PDZD2: variants seen among roughly 807,000 people sequenced by gnomAD.
PDZD2 encodes the protein PDZ domain containing 2.
PDZD2 carries 90 observed loss-of-function variants against 220.7 expected under a neutral mutation model. The observed-to-expected ratio is 0.41, with a 90% CI of 0.34 to 0.49. The LOEUF is 0.49. Ranked by LOEUF, PDZD2 falls within the 20% of genes least tolerant of loss-of-function variation. PDZD2 has a pLI of 0.28. For synonymous variants in PDZD2, 1,375 were observed against 1,450.5 expected (o/e 0.95, Z 1.18); for missense variants, 3,174 against 3,608.5 (o/e 0.88, Z 3.08).
chr5:31,768,019 A>C (rs375162885), intron 1 of PDZD2, among the ~76,000 whole-genome samples: 14 of 152,328 alleles, frequency 9.2e-5, no homozygotes, highest in East Asian at 5.8e-4. Flanking sequence ...CTGTGAGGTC[A>C]GCTCTTCCTT....
At position 31,849,978 on chromosome 5, in the gene PDZD2, A is replaced by T. The variant is rs1209413927; in HGVS notation, c.476+50254A>T. ...TATATATATACACATATATATATAT[A>T]CATATATATATATACACATATATAT... On this transcript the variant is annotated intron_variant, in intron 2 of 24. Transcript: ENST00000438447. Among the ~76,000 whole-genome samples, 27 of 36,992 alleles carry T rather than the reference A, an allele frequency of 7.3e-4. 6 individuals are homozygous for T. The highest frequency in any genetic ancestry group is 5.5e-3 in the African/African-American group (25 of 4,506). The allele number at this position is 36,992 out of a possible 152,430, so 24.3% of individuals were successfully genotyped here. A position where few individuals can be genotyped will look rare whatever the true frequency, so the allele number is the denominator to read the frequency against.
At chr5:32,105,210 A>G (rs1744651994) in intron 24 of PDZD2, among the ~76,000 whole-genome samples, 1 of 152,208 alleles carries the variant, frequency 6.6e-6, no homozygotes, top group Non-Finnish European at 1.5e-5. Flanking sequence ...GAAAAATACA[A>G]GAGAGAAAGT....
intron 2 of PDZD2, among the ~76,000 whole-genome samples, chr5:31,807,430 C>G (rs1387262164): frequency 6.6e-6 from 1 of 152,180 alleles, no homozygotes; most frequent in South Asian, 2.1e-4. Context: ...GTACTGAATA[C>G]AGCATCTGGC....
chr5:31,718,777 T>G (rs1421965928), intron 1 of PDZD2, among the ~76,000 whole-genome samples: 1 of 146,960 alleles, frequency 6.8e-6, no homozygotes. Context: ...CTCGGCTCAC[T>G]GCAACCTCCA....
chr5:31,822,767 A>G, intron 2 of PDZD2: 1 of 1,037,514 alleles, frequency 9.6e-7, no homozygotes, highest in Non-Finnish European at 1.4e-6. Context: ...CAAATCCTGC[A>G]GATGTATTTT....
intron 2 of PDZD2, among the ~76,000 whole-genome samples, chr5:31,868,512 G>T (rs548412587): frequency 6.6e-6 from 1 of 152,148 alleles, no homozygotes; most frequent in Non-Finnish European, 1.5e-5. Context: ...TACCTGTCTT[G>T]CTTTTCTCAA....
intron 2 of PDZD2, chr5:31,822,912 A>G (rs1755972640): frequency 1.1e-6 from 1 of 900,276 alleles, no homozygotes; most frequent in East Asian, 3.7e-5. Context: ...TCTGTGCATA[A>G]CTACAAATAG....
intron 1 of PDZD2, among the ~76,000 whole-genome samples, chr5:31,773,724 T>G (rs1443735670): frequency 2.0e-5 from 3 of 152,094 alleles, no homozygotes; most frequent in Non-Finnish European, 2.9e-5. Flanking sequence ...GACAGTCTAG[T>G]GGAAAAAAAG....
intron 20 of PDZD2, 31 bp from the exon 21 acceptor site, chr5:32,092,876 A>T (rs1393261807): frequency 2.7e-6 from 3 of 1,107,702 alleles, no homozygotes; most frequent in Admixed American, 2.1e-5. Context: ...TTTTTTCTTT[A>T]ATGTTCTTCA....
At chr5:31,682,668 C>T (rs1054128128) in intron 1 of PDZD2, among the ~76,000 whole-genome samples, 1 of 138,380 alleles carries the variant, frequency 7.2e-6, no homozygotes, top group Admixed American at 7.7e-5. Flanking sequence ...CTCAGTCTTT[C>T]GGCTGTGTGT....
At position 32,108,259 on chromosome 5, in the gene PDZD2, C is replaced by G. The variant is rs1744993257; in HGVS notation, c.*124C>G. ...GACACGGACTATAAAAATCTCCAAG[C>G]TTGTGCTTACACATGAAGCCTGACT... On this transcript the variant is annotated 3_prime_UTR_variant, in exon 25 of 25. Coordinates refer to ENST00000438447, the MANE Select transcript of PDZD2 (RefSeq NM_178140.4). 1.7e-6 allele frequency: 1 copy of G among 594,162 alleles called. No individual in the cohort carries two copies. The highest frequency in any genetic ancestry group is 3.3e-5 in the Admixed American group (1 of 29,936). 36.8% of individuals were successfully genotyped at this position (594,162 alleles called of 1,614,324 possible). A position where few individuals can be genotyped will look rare whatever the true frequency, so the allele number is the denominator to read the frequency against.
intron 2 of PDZD2, among the ~76,000 whole-genome samples, chr5:31,934,056 G>A (rs746585544): frequency 6.6e-5 from 10 of 152,184 alleles, no homozygotes; most frequent in African/African-American, 1.2e-4. Context: ...ATGGGACAAA[G>A]AGAGGCAGGA....
At chr5:31,709,845 A>G (rs1201475319) in intron 1 of PDZD2, among the ~76,000 whole-genome samples, 2 of 151,892 alleles carry the variant, frequency 1.3e-5, no homozygotes. Flanking sequence ...AATCCCAGCT[A>G]CTCGGGAGGC....
intron 2 of PDZD2, among the ~76,000 whole-genome samples, chr5:31,960,931 G>T (rs1561196484): frequency 6.6e-6 from 1 of 152,162 alleles, no homozygotes; most frequent in Non-Finnish European, 1.5e-5. Context: ...CTCTGTGAGG[G>T]TGTAGGGACC....
rs1745149067 is a variant in PDZD2 at position 31,646,718 on chromosome 5, C to T, written c.-361+7281C>T. Among the ~76,000 whole-genome samples the T allele has an allele frequency of 2.0e-5, 3 of 152,114 alleles. No individual in the cohort carries two copies. The South Asian group carries it at 6.2e-4, about 32-fold the overall frequency. ...AATTCACTTCCAAGGCTAAAGCAGCCATGCAAATATTATTACAAAACCACT... is the reference window on the plus strand; with the variant it reads ...AATTCACTTCCAAGGCTAAAGCAGCTATGCAAATATTATTACAAAACCACT... On this transcript the variant is annotated intron_variant, in intron 1 of 24. Transcript: ENST00000438447. The surrounding 1 kb of genome is among the most constrained non-coding windows in gnomAD (Gnocchi z 4.7).
At chr5:32,035,926 C>CTTTGT (rs897811316) in intron 6 of PDZD2, among the ~76,000 whole-genome samples, 21 of 152,054 alleles carry the variant, frequency 1.4e-4, no homozygotes, top group African/African-American at 2.2e-4. Context: ...CATCATCAAC[C>CTTTGT]TTTGTTTTGT....
intron 2 of PDZD2, among the ~76,000 whole-genome samples, chr5:31,952,967 A>C (rs1747311485): frequency 6.6e-6 from 1 of 150,624 alleles, no homozygotes; most frequent in South Asian, 2.1e-4. Context: ...CAGAGACAGG[A>C]GAATTGCTTG....
intron 2 of PDZD2, among the ~76,000 whole-genome samples, chr5:31,967,974 A>G (rs1748910058): frequency 6.6e-6 from 1 of 152,216 alleles, no homozygotes; most frequent in South Asian, 2.1e-4. Context: ...GCATGGTAAC[A>G]TGAATATATT....
Position 31,718,148 on chromosome 5 carries a change from G to A in PDZD2, c.-361+78711G>A, listed in dbSNP as rs1032022196. ...AGGAAGGAAGGTAAGACGCTAAGGA[G>A]GGCAGGATGCGTGTGTCAAGGAGTG... On this transcript the variant is annotated intron_variant, in intron 1 of 24. Transcript: ENST00000438447. Among the ~76,000 whole-genome samples, 5 of 152,226 alleles carry A rather than the reference G, an allele frequency of 3.3e-5. 1 individual carries two copies. The South Asian group carries it at 1.0e-3, about 31-fold the overall frequency.
Sources: allele counts gnomAD v4.1 joint callset (sites outside exome capture counted in the v4.1 genomes callset), GRCh38; gene constraint gnomAD v4.1.1; non-coding constraint Gnocchi (gnomAD v3.1); transcripts MANE v1.5; gene names NCBI Gene and HGNC (gene_info 2026-07-23, HGNC 2026-07-21).